Variants in DCUN1D2 observed in about 807,000 individuals in gnomAD.
The protein encoded by DCUN1D2 is defective in cullin neddylation 1 domain containing 2.
Under a neutral mutation model 30.9 loss-of-function variants are expected in DCUN1D2, and 29 were observed. That is an observed-to-expected ratio of 0.94 (90% CI 0.70 to 1.28). DCUN1D2 has a LOEUF of 1.28. Ranked by LOEUF, DCUN1D2 falls within the 50% of genes most tolerant of loss-of-function variation. The probability of loss-of-function intolerance (pLI) is 0.00; values close to 1 mark genes in which losing one functional copy is unlikely to be tolerated. For synonymous variants in DCUN1D2, 121 were observed against 115.3 expected (o/e 1.05, Z -0.32); for missense variants, 325 against 316.9 (o/e 1.03, Z -0.19).
At chr13:113,462,268 T>A (rs1002049905) in intron 4 of DCUN1D2, among the ~76,000 whole-genome samples, 14 of 149,978 alleles carry the variant, frequency 9.3e-5, no homozygotes, top group African/African-American at 3.4e-4. Context: ...AAAAAAAAAT[T>A]AAATAAATAA....
chr13:113,474,304 C>T (rs776010331), intron 3 of DCUN1D2, 50 bp from the exon 4 acceptor site: 16 of 1,603,450 alleles, frequency 1.0e-5, no homozygotes, highest in Admixed American at 5.0e-5. Context: ...CCTCCCTAGT[C>T]GACTCCCCTT....
chr13:113,483,324 C>T (rs1490259077), intron 2 of DCUN1D2, among the ~76,000 whole-genome samples: 4 of 152,166 alleles, frequency 2.6e-5, no homozygotes, highest in African/African-American at 9.7e-5. Flanking sequence ...GAGCTTTTCC[C>T]AAAGCCTCTC....
chr13:113,456,512 C>T lies in DCUN1D2; in HGVS notation c.*1517G>A. 1 of 397,716 alleles carries T rather than the reference C, an allele frequency of 2.5e-6. No homozygotes were observed. The allele number at this position is 397,716 out of a possible 1,614,324, so 24.6% of individuals were successfully genotyped here. On this transcript the variant is annotated 3_prime_UTR_variant, in exon 7 of 7. Transcript: ENST00000478244. ...TGCGGCGACTCTCCTCTGTGCTGGG[C>T]AGCAGCTCCAGCTGGTCCACGTCCT...
intron 1 of DCUN1D2, among the ~76,000 whole-genome samples, chr13:113,486,932 A>G (rs2044814820): frequency 6.6e-6 from 1 of 152,214 alleles, no homozygotes; most frequent in African/African-American, 2.4e-5. Context: ...ATAAAACTCA[A>G]TTTACAAAAA....
chr13:113,466,801 ATTTTTTT>A lies in DCUN1D2; in HGVS notation c.521-5672_521-5666del, dbSNP rs112063279. On this transcript the variant is annotated intron_variant, in intron 4 of 6. Transcript: ENST00000478244. ...CCCCATTGCTGTCACTGTCCTTTGG[ATTTTTTT>A]TTTTTTTTTTTTTTTTTTGAGAGAG... Among the ~76,000 whole-genome samples, 713 of 109,816 alleles carry A rather than the reference ATTTTTTT, an allele frequency of 6.5e-3. 4 individuals are homozygous for A. The highest frequency in any genetic ancestry group is 0.023 in the African/African-American group (644 of 28,484). 72.0% of individuals were successfully genotyped at this position (109,816 alleles called of 152,430 possible).
chr13:113,475,480 A>T (rs368762539), intron 3 of DCUN1D2: 1 of 152,240 alleles, frequency 6.6e-6, no homozygotes, highest in Non-Finnish European at 1.5e-5. Flanking sequence ...GCACTCTGTG[A>T]TATCTGCACA....
chr13:113,456,040 C>G lies in DCUN1D2; in HGVS notation c.*1989G>C, dbSNP rs953857945. ...TACAGAATTATGTGAATTCTATAAACTTTTCTGAACAAAACAATTACATGT... is the reference window on the plus strand; with the variant it reads ...TACAGAATTATGTGAATTCTATAAAGTTTTCTGAACAAAACAATTACATGT... On this transcript the variant is annotated 3_prime_UTR_variant, in exon 7 of 7. Transcript: ENST00000478244. 7.6e-6 allele frequency: 3 copies of G among 396,456 alleles called. No homozygotes were observed. Among genetic ancestry groups the G allele is most frequent in the African/African-American group, 4.1e-5 (2 of 48,614 alleles). The allele number at this position is 396,456 out of a possible 1,614,324, so 24.6% of individuals were successfully genotyped here. A position where few individuals can be genotyped will look rare whatever the true frequency, so the allele number is the denominator to read the frequency against.
chr13:113,489,072 T>G, intron 1 of DCUN1D2: 1 of 976,290 alleles, frequency 1.0e-6, no homozygotes, highest in Non-Finnish European at 1.2e-6. Context: ...TCTTAAAATG[T>G]CCTTAGGGTC....
intron 2 of DCUN1D2, 58 bp from the exon 3 acceptor site, chr13:113,480,801 T>C (rs957182957): frequency 1.6e-5 from 25 of 1,588,192 alleles, no homozygotes; most frequent in Non-Finnish European, 2.0e-5. Flanking sequence ...AATTCTAAAA[T>C]AGGAGGTTTG....
chr13:113,465,707 C>T (rs1190280295), intron 4 of DCUN1D2, among the ~76,000 whole-genome samples: 2 of 151,006 alleles, frequency 1.3e-5, no homozygotes, highest in Non-Finnish European at 3.0e-5. Context: ...GGCTCTGTCG[C>T]CCAGGCTGGA....
chr13:113,482,907 C>T (rs2044735249), intron 2 of DCUN1D2, among the ~76,000 whole-genome samples: 1 of 152,184 alleles, frequency 6.6e-6, no homozygotes, highest in African/African-American at 2.4e-5. Context: ...CATACCACTG[C>T]ACTCCAGCCT....
At chr13:113,468,101 A>C (rs950157174) in intron 4 of DCUN1D2, among the ~76,000 whole-genome samples, 43 of 151,690 alleles carry the variant, frequency 2.8e-4, no homozygotes, top group Non-Finnish European at 5.4e-4. Context: ...ATACGTGTAC[A>C]CCCATGTTCA....
At chr13:113,459,226 CG>C in intron 6 of DCUN1D2, 85 bp downstream of exon 6, 1 of 750,382 alleles carries the variant, frequency 1.3e-6, no homozygotes, top group South Asian at 1.5e-5. Flanking sequence ...ATCTCAGTGA[CG>C]GGGTCACCAC....
intron 3 of DCUN1D2, among the ~76,000 whole-genome samples, chr13:113,477,732 A>G (rs988098819): frequency 9.4e-5 from 14 of 149,660 alleles, no homozygotes; most frequent in Admixed American, 7.3e-4. Flanking sequence ...ATGAAGAAAC[A>G]TTGAATTTGA....
At chr13:113,471,379 G>T (rs113644013) in intron 4 of DCUN1D2, among the ~76,000 whole-genome samples, 2 of 151,058 alleles carry the variant, frequency 1.3e-5, no homozygotes, top group African/African-American at 4.9e-5. Context: ...ACTCCACAGG[G>T]GACCCAACTC....
At chr13:113,461,392 TC>T (rs1374699278) in intron 4 of DCUN1D2, among the ~76,000 whole-genome samples, 1 of 152,352 alleles carries the variant, frequency 6.6e-6, no homozygotes, top group East Asian at 1.9e-4. Context: ...CCCTAATTAA[TC>T]AGTTTTGGAG....
intron 6 of DCUN1D2, 152 bp downstream of exon 6, chr13:113,459,160 C>CT: frequency 1.9e-6 from 1 of 536,640 alleles, no homozygotes; most frequent in Non-Finnish European, 3.4e-6. Flanking sequence ...CCCTATTTTT[C>CT]TTTTGTATGA....
chr13:113,467,287 T>G (rs1373016733), intron 4 of DCUN1D2, among the ~76,000 whole-genome samples: 3 of 152,202 alleles, frequency 2.0e-5, no homozygotes, highest in Non-Finnish European at 4.4e-5. Flanking sequence ...TGACAGCCTC[T>G]GAGAAACATG....
chr13:113,456,218 G>C lies in DCUN1D2; in HGVS notation c.*1811C>G, dbSNP rs986717945. On this transcript the variant is annotated 3_prime_UTR_variant, in exon 7 of 7. Transcript: ENST00000478244. ...CATTAGAGTTCTGGAAGCAGAGCCT[G>C]GGGAAGGTCTGTCACTTGCCCATCA... 1.3e-5 allele frequency: 5 copies of C among 398,576 alleles called. No individual in the cohort carries two copies. Among genetic ancestry groups the C allele is most frequent in the African/African-American group, 1.0e-4 (5 of 48,632 alleles). 24.7% of individuals were successfully genotyped at this position (398,576 alleles called of 1,614,324 possible). A position where few individuals can be genotyped will look rare whatever the true frequency, so the allele number is the denominator to read the frequency against.
Sources: allele counts gnomAD v4.1 joint callset (sites outside exome capture counted in the v4.1 genomes callset), GRCh38; gene constraint gnomAD v4.1.1; transcripts MANE v1.5; gene names NCBI Gene and HGNC (gene_info 2026-07-23, HGNC 2026-07-21).